DPYSL5: variants seen among roughly 807,000 people sequenced by gnomAD.
The protein encoded by DPYSL5 is dihydropyrimidinase-related protein 5.
Under a neutral mutation model 58.4 loss-of-function variants are expected in DPYSL5, and 9 were observed. The observed-to-expected ratio is 0.15, with a 90% CI of 0.09 to 0.27. The LOEUF (loss-of-function observed/expected upper bound fraction) is 0.27. DPYSL5 is among the 10% of genes least tolerant of loss of function. The pLI is 1.00. For synonymous variants in DPYSL5, 293 were observed against 301.9 expected, an observed-to-expected ratio of 0.97 and a Z score of 0.31; for missense variants, 499 against 770.6, an observed-to-expected ratio of 0.65 and a Z score of 4.17.
In DPYSL5 at chr2:26,942,899, G is replaced by A; in HGVS notation, c.1440+149G>A. ...TCCAGCGTTGAGAGGGGAGTGTGCG[G>A]CAGCGCCAGGGAACGCTAGAGTCAG... On this transcript the variant is annotated intron_variant, in intron 11 of 12. Coordinates refer to ENST00000288699, the MANE Select transcript of DPYSL5 (RefSeq NM_020134.4). The surrounding 1 kb of genome is among the most constrained non-coding windows in gnomAD (Gnocchi z 5.9). The A allele has an allele frequency of 1.1e-6, 1 of 908,010 alleles. No individual in the cohort carries two copies. The highest frequency in any genetic ancestry group is 1.6e-6 in the Non-Finnish European group (1 of 607,182). The allele number at this position is 908,010 out of a possible 1,614,324, so 56.2% of individuals were successfully genotyped here.
intron 1 of DPYSL5, among the ~76,000 whole-genome samples, chr2:26,882,331 G>A (rs1663590602): frequency 6.6e-6 from 1 of 151,814 alleles, no homozygotes; most frequent in Admixed American, 6.6e-5. Context: ...CTGCAGTCCC[G>A]ACCTCCTTGG....
At chr2:26,865,873 T>C (rs956868436) in intron 1 of DPYSL5, among the ~76,000 whole-genome samples, 5 of 152,204 alleles carry the variant, frequency 3.3e-5, no homozygotes, top group Non-Finnish European at 5.9e-5. Flanking sequence ...ACACAGCCCT[T>C]GCCCCCCACC....
intron 1 of DPYSL5, among the ~76,000 whole-genome samples, chr2:26,883,567 T>C (rs954176288): frequency 6.6e-6 from 1 of 152,000 alleles, no homozygotes; most frequent in African/African-American, 2.4e-5. Context: ...CCTGGCTAAT[T>C]TTTGTATTTT....
intron 2 of DPYSL5, among the ~76,000 whole-genome samples, chr2:26,907,943 T>G (rs917305217): frequency 6.6e-6 from 1 of 152,128 alleles, no homozygotes; most frequent in Non-Finnish European, 1.5e-5. Context: ...GATGTCAGCA[T>G]GGAGTGGGAG....
In DPYSL5 at chr2:26,924,472, ATAT is replaced by A. The variant is rs773556096; in HGVS notation, c.262-411_262-409del. Among the ~76,000 whole-genome samples, 38 of 152,224 alleles carry A rather than the reference ATAT, an allele frequency of 2.5e-4. 1 individual carries two copies. The highest frequency in any genetic ancestry group is 4.9e-4 in the Non-Finnish European group (33 of 68,038). On this transcript the variant is annotated intron_variant, in intron 2 of 12. Coordinates refer to ENST00000288699, the MANE Select transcript of DPYSL5 (RefSeq NM_020134.4). The surrounding 1 kb of genome is among the most constrained non-coding windows in gnomAD (Gnocchi z 4.7). ...AAACAGACATTTGATTATGCCATCA[ATAT>A]TATGTTATTATATGATACAACACTA...
intron 12 of DPYSL5, among the ~76,000 whole-genome samples, chr2:26,945,142 G>C (rs561302659): frequency 4.4e-4 from 67 of 152,028 alleles, no homozygotes; most frequent in African/African-American, 1.5e-3. Context: ...GAGATGCCCT[G>C]AGCTCAGAAG....
chr2:26,942,215 A>G lies in DPYSL5; in HGVS notation c.1232+123A>G, dbSNP rs887169334. 2.1e-6 allele frequency: 3 copies of G among 1,409,896 alleles called. No individual in the cohort carries two copies. Among genetic ancestry groups the G allele is most frequent in the East Asian group, 2.3e-5 (1 of 42,934 alleles). The allele number at this position is 1,409,896 out of a possible 1,614,324, so 87.3% of individuals were successfully genotyped here. A position where few individuals can be genotyped will look rare whatever the true frequency, so the allele number is the denominator to read the frequency against. On this transcript the variant is annotated intron_variant, in intron 10 of 12. Coordinates refer to ENST00000288699, the MANE Select transcript of DPYSL5 (RefSeq NM_020134.4). This position sits in a 1 kb window ranked among gnomAD's most constrained non-coding sequence, Gnocchi z 5.9. Reference sequence around the variant, plus strand: ...CTAGCACAAAATATGGCCCTGGCCTACCGTTGGCCATCTTCTCCCTCCATC... The same window carrying G: ...CTAGCACAAAATATGGCCCTGGCCTGCCGTTGGCCATCTTCTCCCTCCATC...
Position 26,898,686 on chromosome 2 carries a change from A to T in DPYSL5, c.187A>T (p.Ile63Phe). Residue 63 changes from isoleucine to phenylalanine, a missense_variant, in exon 2 of 13, where the codon ATC (isoleucine) becomes TTC (phenylalanine). Around this residue, in one of 3 missense-constraint regions of DPYSL5, gnomAD observed 404 missense variants for 647.6 expected, o/e 0.62. Coordinates refer to ENST00000288699, the MANE Select transcript of DPYSL5 (RefSeq NM_020134.4). The surrounding 1 kb of genome is among the most constrained non-coding windows in gnomAD (Gnocchi z 6.1). The part of the protein sequence containing the change: ...ATGKLVIPGG[I>F]DTSTHFHQTF... ...AGGAAAACTGGTGATCCCTGGTGGC[A>T]TCGACACCAGCACCCACTTCCACCA... 1 of 1,614,200 alleles carries T rather than the reference A, an allele frequency of 6.2e-7. No homozygotes were observed.
At chr2:26,906,186 C>A (rs1192601930) in intron 2 of DPYSL5, among the ~76,000 whole-genome samples, 2 of 138,770 alleles carry the variant, frequency 1.4e-5, no homozygotes, top group Non-Finnish European at 3.1e-5. Context: ...AAACCCATAT[C>A]TTTTTTTTTT....
intron 1 of DPYSL5, among the ~76,000 whole-genome samples, chr2:26,859,617 A>G (rs1665962324): frequency 6.6e-6 from 1 of 152,194 alleles, no homozygotes; most frequent in African/African-American, 2.4e-5. Flanking sequence ...AAAGATTCCA[A>G]GTGAAGCTGA....
chr2:26,938,146 T>G (rs1665229718), intron 8 of DPYSL5, among the ~76,000 whole-genome samples: 2 of 152,208 alleles, frequency 1.3e-5, no homozygotes, highest in Admixed American at 6.5e-5. Flanking sequence ...AGGGCAGCAC[T>G]GAGAGAGCTC....
At chr2:26,938,404 A>C (rs1665236781) in intron 8 of DPYSL5, 1 of 152,294 alleles carries the variant, frequency 6.6e-6, no homozygotes, top group South Asian at 2.1e-4. Context: ...CCATTCATCT[A>C]TCAGGGCTTC....
chr2:26,915,357 C>T, intron 2 of DPYSL5, among the ~76,000 whole-genome samples: 1 of 152,190 alleles, frequency 6.6e-6, no homozygotes, highest in Non-Finnish European at 1.5e-5. Flanking sequence ...CAGGCTTCTC[C>T]CACCATTGCC....
intron 5 of DPYSL5, among the ~76,000 whole-genome samples, chr2:26,928,566 T>C (rs1041740879): frequency 4.0e-5 from 6 of 150,070 alleles, no homozygotes; most frequent in Non-Finnish European, 8.9e-5. Context: ...GGCATAGTGG[T>C]GCATGCCTGT....
chr2:26,902,628 G>C (rs964944188), intron 2 of DPYSL5, among the ~76,000 whole-genome samples: 1 of 152,160 alleles, frequency 6.6e-6, no homozygotes, highest in Non-Finnish European at 1.5e-5. Flanking sequence ...AACTGTCAGA[G>C]ACGTGTGAAC....
At chr2:26,931,203 G>GTGTATGTATATATATATATATATATATA (rs1474347605) in intron 5 of DPYSL5, among the ~76,000 whole-genome samples, 1 of 44,910 alleles carries the variant, frequency 2.2e-5, no homozygotes, top group Non-Finnish European at 4.3e-5. Context: ...GTGTGTGTGT[G>GTGTATGTATATATATATATATATATATA]TATATATATA....
chr2:26,932,090 AAAG>A (rs1665015204), intron 6 of DPYSL5, among the ~76,000 whole-genome samples: 1 of 50,846 alleles, frequency 2.0e-5, no homozygotes, highest in South Asian at 7.5e-4. Context: ...AGAAAAGAAA[AAAG>A]AAAGAGAAAG....
At position 26,940,051 on chromosome 2, in the gene DPYSL5, C is replaced by CCT; in HGVS notation, c.968_969insCT (p.Ser324TyrfsTer26). 1 of 1,614,204 alleles carries CCT rather than the reference C, an allele frequency of 6.2e-7. No homozygotes were observed. Among genetic ancestry groups the CCT allele is most frequent in the South Asian group, 1.1e-5 (1 of 91,084 alleles). On this transcript the variant is annotated frameshift_variant, in exon 9 of 13. Transcript: ENST00000288699. LOFTEE classifies it high-confidence loss of function. ...CCCAGTGACACTCTGAACATCGTGGCATCAGATCACCGGCCTTTCACCACA... is the reference window on the plus strand; with the variant it reads ...CCCAGTGACACTCTGAACATCGTGGCCTATCAGATCACCGGCCTTTCACCACA...
chr2:26,914,214 T>C (rs1664508681), intron 2 of DPYSL5, among the ~76,000 whole-genome samples: 1 of 152,210 alleles, frequency 6.6e-6, no homozygotes, highest in Non-Finnish European at 1.5e-5. Context: ...CTGTTTCACA[T>C]GGCTGTGAAG....
Sources: allele counts gnomAD v4.1 joint callset (sites outside exome capture counted in the v4.1 genomes callset), GRCh38; gene constraint gnomAD v4.1.1; regional missense constraint gnomAD v4.1.1; non-coding constraint Gnocchi (gnomAD v3.1); transcripts MANE v1.5; gene names NCBI Gene and HGNC (gene_info 2026-07-23, HGNC 2026-07-21).